Variants in SLC38A8 observed in about 807,000 individuals in gnomAD.
SLC38A8 encodes the protein solute carrier family 38 member 8.
A neutral mutation model predicts 46.0 loss-of-function variants in SLC38A8; 65 were observed. That is an observed-to-expected ratio of 1.41 (90% CI 1.16 to 1.74). SLC38A8 has a LOEUF of 1.74. Ranked by LOEUF, SLC38A8 falls within the 40% of genes most tolerant of loss-of-function variation. The pLI, the probability that SLC38A8 is intolerant of heterozygous loss-of-function variation, is 0.00. For synonymous variants in SLC38A8, 447 were observed against 243.7 expected, an observed-to-expected ratio of 1.83 and a Z score of -7.77; for missense variants, 998 against 567.9, an observed-to-expected ratio of 1.76 and a Z score of -7.70.
intron 7 of SLC38A8, among the ~76,000 whole-genome samples, chr16:84,017,635 T>C (rs2085046094): frequency 6.6e-6 from 1 of 152,158 alleles, no homozygotes; most frequent in Non-Finnish European, 1.5e-5. Context: ...TCCTACGACA[T>C]CTAAAGAAAG....
rs765147902 is a variant in SLC38A8, at chr16:84,016,747, C to A, written c.954-20G>T. The A allele has an allele frequency of 4.4e-6, 7 of 1,606,486 alleles. No homozygotes were observed. In the Admixed American group the frequency reaches 8.4e-5, roughly 19 times the overall value. Reference sequence around the variant, plus strand: ...ACTGACCTGGAGGCCACAGCCAACACAGACACATGGGCATCTCAGGGGCAC... The same window carrying A: ...ACTGACCTGGAGGCCACAGCCAACAAAGACACATGGGCATCTCAGGGGCAC... On this transcript the variant is annotated intron_variant, in intron 8 of 10. Coordinates refer to ENST00000299709, the MANE Select transcript of SLC38A8 (RefSeq NM_001080442.3).
chr16:84,029,080 CT>C (rs2085204459), intron 6 of SLC38A8, among the ~76,000 whole-genome samples: 1 of 152,128 alleles, frequency 6.6e-6, no homozygotes, highest in African/African-American at 2.4e-5. Context: ...GCCCAAGGCC[CT>C]GGGCAGAGTC....
chr16:84,037,284 G>T (rs1488879219), intron 2 of SLC38A8, among the ~76,000 whole-genome samples: 1 of 152,212 alleles, frequency 6.6e-6, no homozygotes, highest in Non-Finnish European at 1.5e-5. Context: ...AGGTGGAGCG[G>T]GCACAGCCGG....
At chr16:84,032,929 CGTGGGTGTGCATGGGTGGGTGTGGGTAG>C (rs869041626) in intron 4 of SLC38A8, among the ~76,000 whole-genome samples, 134 of 41,952 alleles carry the variant, frequency 3.2e-3, no homozygotes, top group Admixed American at 6.7e-3. Context: ...GGTGTGGGTA[CGTGGGTGTGCATGGGTGGGTGTGGGTAG>C]GTGGGTGTGC....
At chr16:84,040,145 A>C (rs2085352083) in intron 2 of SLC38A8, 1 of 152,226 alleles carries the variant, frequency 6.6e-6, no homozygotes, top group Non-Finnish European at 1.5e-5. Context: ...TCACCAGCTA[A>C]GTGGAGGATA....
At chr16:84,012,220 G>C (rs2084962976) in intron 10 of SLC38A8, among the ~76,000 whole-genome samples, 1 of 152,204 alleles carries the variant, frequency 6.6e-6, no homozygotes, top group African/African-American at 2.4e-5. Context: ...GGATGGGAGG[G>C]AGTCACCCAG....
intron 7 of SLC38A8, among the ~76,000 whole-genome samples, chr16:84,019,264 C>T (rs566020243): frequency 2.0e-5 from 3 of 152,052 alleles, no homozygotes; most frequent in Admixed American, 6.6e-5. Context: ...TTAGTAGAAA[C>T]GGGGTTTCAC....
In SLC38A8 at chr16:84,027,390, C is replaced by CAA. The variant is rs555270193; in HGVS notation, c.690+2103_690+2104insTT. On this transcript the variant is annotated intron_variant, in intron 6 of 10. Transcript: ENST00000299709. ...AAACAAACAAACAAACAAACAAACA[C>CAA]ACACTAGAAGTCCTGGTGTAGCCGC... is the stretch of plus-strand genomic sequence containing the variant. Among the ~76,000 whole-genome samples the CAA allele has an allele frequency of 6.6e-4, 93 of 141,902 alleles. No individual in the cohort carries two copies. The East Asian group carries it at 9.8e-3, about 15-fold the overall frequency. 93.1% of individuals were successfully genotyped at this position (141,902 alleles called of 152,430 possible). A position where few individuals can be genotyped will look rare whatever the true frequency, so the allele number is the denominator to read the frequency against.
intron 9 of SLC38A8, among the ~76,000 whole-genome samples, chr16:84,014,621 G>A (rs1203776691): frequency 6.6e-6 from 1 of 152,216 alleles, no homozygotes. Flanking sequence ...AGAGCTCTGG[G>A]CAGAGCCAGG....
chr16:84,018,148 T>TGCCAATG (rs2085052968), intron 7 of SLC38A8, among the ~76,000 whole-genome samples: 1 of 151,676 alleles, frequency 6.6e-6, no homozygotes, highest in Non-Finnish European at 1.5e-5. Context: ...AGGGCCTTCT[T>TGCCAATG]GCCAATGGGG....
intron 10 of SLC38A8, among the ~76,000 whole-genome samples, chr16:84,010,255 G>A (rs566820693): frequency 2.0e-5 from 3 of 151,896 alleles, no homozygotes; most frequent in Non-Finnish European, 4.4e-5. Flanking sequence ...ATTTTTAGTA[G>A]AGATGGAGTT....
chr16:84,030,569 G>A (rs960416150), intron 5 of SLC38A8, among the ~76,000 whole-genome samples: 17 of 152,130 alleles, frequency 1.1e-4, no homozygotes, highest in South Asian at 4.2e-4. Context: ...GACTGTTCCA[G>A]CCTGAGCTGC....
intron 6 of SLC38A8, among the ~76,000 whole-genome samples, chr16:84,025,994 C>T (rs1424263070): frequency 6.6e-6 from 1 of 152,234 alleles, no homozygotes; most frequent in African/African-American, 2.4e-5. Context: ...GTCCTAGAGC[C>T]CCAGTGCCCA....
chr16:84,032,694 G>C (rs573476854), intron 4 of SLC38A8, among the ~76,000 whole-genome samples: 1 of 152,332 alleles, frequency 6.6e-6, no homozygotes, highest in South Asian at 2.1e-4. Flanking sequence ...AGGGAGGCTC[G>C]GGTTTGCTGC....
chr16:84,024,350 T>A (rs1333887695), intron 6 of SLC38A8, among the ~76,000 whole-genome samples: 3 of 146,754 alleles, frequency 2.0e-5, no homozygotes, highest in African/African-American at 8.1e-5. Context: ...GGGGTAAGCA[T>A]TTTTTTTTGG....
intron 6 of SLC38A8, among the ~76,000 whole-genome samples, chr16:84,025,130 C>T (rs905895208): frequency 2.7e-5 from 4 of 149,178 alleles, no homozygotes; most frequent in Non-Finnish European, 6.0e-5. Context: ...CAGGGAGGCT[C>T]TGCTCTGTCC....
chr16:84,023,231 A>T (rs1244056895), intron 6 of SLC38A8, among the ~76,000 whole-genome samples: 1 of 151,816 alleles, frequency 6.6e-6, no homozygotes, highest in Non-Finnish European at 1.5e-5. Flanking sequence ...CACCTTATCT[A>T]AAAAAAAGTT....
At chr16:84,032,620 G>C (rs1324634761) in intron 4 of SLC38A8, among the ~76,000 whole-genome samples, 4 of 152,240 alleles carry the variant, frequency 2.6e-5, no homozygotes, top group Admixed American at 2.6e-4. Flanking sequence ...TCACACTTGA[G>C]AGGGGACAAG....
At chr16:84,022,718 C>A in intron 7 of SLC38A8, 57 bp downstream of exon 7, 1 of 1,255,366 alleles carries the variant, frequency 8.0e-7, no homozygotes, top group Middle Eastern at 1.8e-4. Flanking sequence ...CTCGCTGTTA[C>A]TCTTGTTTCT....
Sources: allele counts gnomAD v4.1 joint callset (sites outside exome capture counted in the v4.1 genomes callset), GRCh38; gene constraint gnomAD v4.1.1; transcripts MANE v1.5; gene names NCBI Gene and HGNC (gene_info 2026-07-23, HGNC 2026-07-21).